ANKS1B: variants seen among roughly 807,000 people sequenced by gnomAD.
ANKS1B encodes the protein ankyrin repeat and sterile alpha motif domain-containing protein 1B.
ANKS1B carries 36 observed loss-of-function variants against 148.3 expected under a neutral mutation model. The ratio of observed to expected loss-of-function variants is 0.24; its 90% CI spans 0.19 to 0.32. The LOEUF (loss-of-function observed/expected upper bound fraction) is 0.32. Ranked by LOEUF, ANKS1B falls within the 10% of genes least tolerant of loss-of-function variation. The pLI is 1.00. For synonymous variants in ANKS1B, 542 were observed against 560.8 expected, an observed-to-expected ratio of 0.97 and a Z score of 0.47; for missense variants, 1,157 against 1,542.6, an observed-to-expected ratio of 0.75 and a Z score of 4.19.
At chr12:99,059,478 A>G (rs2041596827) in intron 16 of ANKS1B, among the ~76,000 whole-genome samples, 1 of 152,188 alleles carries the variant, frequency 6.6e-6, no homozygotes, top group Admixed American at 6.5e-5. Flanking sequence ...AATAACATTC[A>G]TAACTATTTA....
chr12:99,479,655 T>G (rs1307411218), intron 10 of ANKS1B, among the ~76,000 whole-genome samples: 1 of 151,900 alleles, frequency 6.6e-6, no homozygotes, highest in Non-Finnish European at 1.5e-5. Flanking sequence ...TGACCTCACT[T>G]GTATGTGGAA....
chr12:99,714,917 G>A (rs987578260), intron 8 of ANKS1B, among the ~76,000 whole-genome samples: 9 of 150,562 alleles, frequency 6.0e-5, no homozygotes, highest in South Asian at 2.1e-4. Context: ...TCAGGAGTTC[G>A]AGACCAGCCT....
chr12:99,387,874 T>TTTTTTTTTTTTTTTTTTTTTG (rs1310198385), intron 12 of ANKS1B, among the ~76,000 whole-genome samples: 1 of 151,762 alleles, frequency 6.6e-6, no homozygotes, highest in African/African-American at 2.4e-5. Flanking sequence ...AATTGTAATT[T>TTTTTTTTTTTTTTTTTTTTTG]ACCAAGTAGA....
chr12:99,607,754 C>T (rs1317231742), intron 9 of ANKS1B, among the ~76,000 whole-genome samples: 1 of 152,018 alleles, frequency 6.6e-6, no homozygotes, highest in Admixed American at 6.6e-5. Context: ...CAGTCATCTC[C>T]CTGAATTTTG....
intron 9 of ANKS1B, among the ~76,000 whole-genome samples, chr12:99,561,630 G>A (rs745562550): frequency 4.0e-5 from 6 of 151,456 alleles, no homozygotes; most frequent in Non-Finnish European, 7.4e-5. Context: ...GCTCATCCAC[G>A]AGAAACAATT....
intron 15 of ANKS1B, among the ~76,000 whole-genome samples, chr12:99,143,795 T>C (rs1461969430): frequency 1.3e-5 from 2 of 152,014 alleles, no homozygotes; most frequent in Non-Finnish European, 2.9e-5. Context: ...CTCTCTCACC[T>C]CTCTTGTTGA....
In ANKS1B at chr12:98,959,621, C is replaced by T. The variant is rs148883496; in HGVS notation, c.2778+93536G>A. On this transcript the variant is annotated intron_variant, in intron 17 of 26. Transcript: ENST00000683438. Reference sequence around the variant, plus strand: ...CACAAAAAAGCACCTTCATAAGAACCAAAAATCAGCTTAGGTACCAGCTTG... The same window carrying T: ...CACAAAAAAGCACCTTCATAAGAACTAAAAATCAGCTTAGGTACCAGCTTG... Among the ~76,000 whole-genome samples, 496 of 152,276 alleles carry T rather than the reference C, an allele frequency of 3.3e-3. 1 individual carries two copies. The highest frequency in any genetic ancestry group is 5.4e-3 in the Non-Finnish European group (367 of 68,008).
intron 19 of ANKS1B, among the ~76,000 whole-genome samples, chr12:98,819,902 G>C (rs1427625297): frequency 1.3e-5 from 2 of 152,152 alleles, no homozygotes; most frequent in Non-Finnish European, 2.9e-5. Flanking sequence ...CAGAAAGGAG[G>C]TCATATCATT....
intron 16 of ANKS1B, among the ~76,000 whole-genome samples, chr12:99,055,716 A>C (rs1285520213): frequency 1.6e-5 from 1 of 62,906 alleles, no homozygotes; most frequent in Non-Finnish European, 3.5e-5. Flanking sequence ...GGGGAAGTCT[A>C]AACTTGGGGG....
intron 16 of ANKS1B, 37 bp from the exon 17 acceptor site, chr12:99,053,346 T>A (rs374389436): frequency 3.9e-5 from 58 of 1,487,414 alleles, no homozygotes; most frequent in Non-Finnish European, 4.9e-5. Flanking sequence ...TTAAACTGTA[T>A]ACTTTGTGTC....
chr12:98,776,037 C>A (rs1541626), intron 24 of ANKS1B, among the ~76,000 whole-genome samples: 39,996 of 152,168 alleles, frequency 0.26, 7,061 homozygotes, highest in East Asian at 0.66. Flanking sequence ...TTTGAACAGA[C>A]CTTTGTGATA....
chr12:99,140,745 G>A (rs2070404489), intron 15 of ANKS1B, among the ~76,000 whole-genome samples: 1 of 152,080 alleles, frequency 6.6e-6, no homozygotes, highest in African/African-American at 2.4e-5. Context: ...TAATTCCTGT[G>A]GAGCATGATT....
intron 12 of ANKS1B, among the ~76,000 whole-genome samples, chr12:99,293,034 A>C (rs1010006188): frequency 2.0e-5 from 3 of 152,222 alleles, no homozygotes; most frequent in African/African-American, 7.2e-5. Context: ...TCATGCTACT[A>C]TAAAGACACA....
chr12:99,633,480 T>C (rs574242448), intron 9 of ANKS1B, among the ~76,000 whole-genome samples: 221 of 152,230 alleles, frequency 1.5e-3, no homozygotes, highest in African/African-American at 5.1e-3. Flanking sequence ...TATACAAAAA[T>C]TAATTCGAGA....
At chr12:99,161,003 A>G (rs2076602180) in intron 14 of ANKS1B, among the ~76,000 whole-genome samples, 1 of 152,002 alleles carries the variant, frequency 6.6e-6, no homozygotes, top group Non-Finnish European at 1.5e-5. Context: ...TTTGTTTAGG[A>G]TTGCTTTGGC....
chr12:99,884,615 C>T (rs1565924609), intron 1 of ANKS1B, among the ~76,000 whole-genome samples: 1 of 152,070 alleles, frequency 6.6e-6, no homozygotes. Flanking sequence ...CACAAATGCA[C>T]TATGTAAAGT....
At chr12:99,433,295 G>A (rs2095409486) in intron 11 of ANKS1B, among the ~76,000 whole-genome samples, 1 of 152,064 alleles carries the variant, frequency 6.6e-6, no homozygotes, top group South Asian at 2.1e-4. Flanking sequence ...AATTCTTTAA[G>A]CATAATACAC....
At chr12:98,778,002 G>A (rs1026207533) in intron 24 of ANKS1B, among the ~76,000 whole-genome samples, 1 of 152,176 alleles carries the variant, frequency 6.6e-6, no homozygotes, top group Non-Finnish European at 1.5e-5. Flanking sequence ...TCAAGTTTTA[G>A]TCGTTCTTCA....
intron 16 of ANKS1B, among the ~76,000 whole-genome samples, chr12:99,060,678 CACACACACACACACACACACACAT>C (rs1213639063): frequency 9.1e-5 from 9 of 98,674 alleles, no homozygotes; most frequent in African/African-American, 2.8e-4. Context: ...CACACACACA[CACACACACACACACACACACACAT>C]ATATATAGAG....
Sources: gnomAD v4.1 joint callset for allele counts (sites outside exome capture counted in the v4.1 genomes callset) on GRCh38, gnomAD v4.1.1 for gene constraint, MANE v1.5 for transcripts, NCBI Gene and HGNC (gene_info 2026-07-23, HGNC 2026-07-21) for gene names.